SEC24D: variants seen among roughly 807,000 people sequenced by gnomAD.
The protein encoded by SEC24D is SEC24 homolog D, COPII component, also known as protein transport protein Sec24D.
Under a neutral mutation model 116.9 loss-of-function variants are expected in SEC24D, and 69 were observed. That is an observed-to-expected ratio of 0.59 (90% CI 0.49 to 0.72). The LOEUF (loss-of-function observed/expected upper bound fraction) is 0.72. Among genes scored for constraint, SEC24D ranks in the 30% least tolerant of loss-of-function variants. The probability of loss-of-function intolerance (pLI) is 0.00; values close to 1 mark genes in which losing one functional copy is unlikely to be tolerated. For missense variants in SEC24D, 1,131 were observed against 1,264.1 expected (o/e 0.89, Z 1.60); for synonymous variants, 405 against 442.8 (o/e 0.91, Z 1.07).
At chr4:118,831,729 G>A (rs1730865865) in intron 2 of SEC24D, among the ~76,000 whole-genome samples, 1 of 152,042 alleles carries the variant, frequency 6.6e-6, no homozygotes, top group Non-Finnish European at 1.5e-5. Context: ...CTGGTCTAGA[G>A]CTTAGGGGAG....
At chr4:118,826,362 G>T (rs1225984946) in intron 2 of SEC24D, among the ~76,000 whole-genome samples, 1 of 152,138 alleles carries the variant, frequency 6.6e-6, no homozygotes, top group African/African-American at 2.4e-5. Flanking sequence ...ATTGTTCTGA[G>T]AATTAAATGA....
intron 7 of SEC24D, among the ~76,000 whole-genome samples, chr4:118,804,882 GCATA>G (rs1444618033): frequency 2.2e-5 from 2 of 90,176 alleles, no homozygotes; most frequent in Non-Finnish European, 4.6e-5. Context: ...GTGTATGCAT[GCATA>G]CACACACACA....
rs138334943 is a variant in SEC24D at position 118,818,694 on chromosome 4, T to C, written c.249-1282A>G. ...GTCTATGTTTTATCGGTAGCCGGAA[T>C]TGACTTTATAATTTAGGACTCTTCT... On this transcript the variant is annotated intron_variant, in intron 3 of 22. Transcript: ENST00000280551. Among the ~76,000 whole-genome samples, 68 of 152,274 alleles carry C rather than the reference T, an allele frequency of 4.5e-4. No individual in the cohort carries two copies. In the East Asian group the frequency reaches 0.011, roughly 25 times the overall value.
chr4:118,788,552 A>G (rs1728751749), intron 8 of SEC24D, among the ~76,000 whole-genome samples: 1 of 152,222 alleles, frequency 6.6e-6, no homozygotes, highest in African/African-American at 2.4e-5. Flanking sequence ...AACCTCTCTC[A>G]TTAATATGTG....
chr4:118,728,209 A>G (rs1232668929), intron 22 of SEC24D, among the ~76,000 whole-genome samples: 1 of 152,264 alleles, frequency 6.6e-6, no homozygotes, highest in Admixed American at 6.5e-5. Flanking sequence ...AATAAATCAA[A>G]TTTTACAAAT....
intron 8 of SEC24D, among the ~76,000 whole-genome samples, chr4:118,790,441 C>T (rs968396654): frequency 6.6e-6 from 1 of 152,174 alleles, no homozygotes; most frequent in African/African-American, 2.4e-5. Flanking sequence ...CTACACCATA[C>T]TACCTCAGTT....
At chr4:118,756,006 A>AT (rs1159739807) in intron 11 of SEC24D, among the ~76,000 whole-genome samples, 1 of 152,186 alleles carries the variant, frequency 6.6e-6, no homozygotes, top group Non-Finnish European at 1.5e-5. Context: ...TTCATAACTT[A>AT]TATCAACAGG....
intron 7 of SEC24D, among the ~76,000 whole-genome samples, chr4:118,798,027 A>C (rs1392913137): frequency 6.6e-6 from 1 of 152,234 alleles, no homozygotes; most frequent in Non-Finnish European, 1.5e-5. Context: ...AAATACTCTG[A>C]ATCCTACTGC....
At chr4:118,823,915 A>T (rs1210758339) in intron 3 of SEC24D, among the ~76,000 whole-genome samples, 2 of 152,204 alleles carry the variant, frequency 1.3e-5, no homozygotes, top group Non-Finnish European at 2.9e-5. Context: ...TAATTTTAAA[A>T]TACTTATTAA....
At chr4:118,746,421 G>A (rs1236797966) in intron 13 of SEC24D, among the ~76,000 whole-genome samples, 1 of 152,046 alleles carries the variant, frequency 6.6e-6, no homozygotes, top group Non-Finnish European at 1.5e-5. Context: ...TTGTTCAGCA[G>A]GTACTACTGT....
At chr4:118,771,849 C>A (rs780835483) in intron 8 of SEC24D, among the ~76,000 whole-genome samples, 3 of 151,902 alleles carry the variant, frequency 2.0e-5, no homozygotes, top group African/African-American at 4.8e-5. Context: ...CCACAGGTAC[C>A]TTTGAGGGAC....
At chr4:118,744,756 C>T (rs1465150734) in intron 14 of SEC24D, among the ~76,000 whole-genome samples, 188 bp downstream of exon 14, 1 of 152,176 alleles carries the variant, frequency 6.6e-6, no homozygotes, top group Non-Finnish European at 1.5e-5. Context: ...ATATTTCAGA[C>T]ATCGGTTTTT....
chr4:118,807,236 CAA>C (rs1237435609), intron 6 of SEC24D, among the ~76,000 whole-genome samples: 4 of 152,120 alleles, frequency 2.6e-5, no homozygotes, highest in Admixed American at 2.0e-4. Flanking sequence ...TCAACAGCAG[CAA>C]AAGTCTCTTA....
rs752422283 is a variant in SEC24D at position 118,744,098 on chromosome 4, C to T, written c.1885G>A (p.Gly629Ser). 4.3e-6 allele frequency: 7 copies of T among 1,613,244 alleles called. No homozygotes were observed. Among genetic ancestry groups the T allele is most frequent in the Middle Eastern group, 1.7e-4 (1 of 6,046 alleles). The part of the protein sequence containing the change: ...DSLAKDCVAH[G>S]CSVTLFLFPS... ...AAGAGGAAGAGTGTCACAGAGCAGC[C>T]GTGAGCCACGCAGTCCTTGGCCAAT... The change falls in exon 15 of 23, where the codon GGC (glycine) becomes AGC (serine). Residue 629 changes from glycine to serine, a missense_variant. Gly to Ser is a moderately conservative substitution (Grantham distance 56). Coordinates refer to ENST00000280551, the MANE Select transcript of SEC24D (RefSeq NM_014822.4).
chr4:118,751,698 T>C (rs558565599), intron 13 of SEC24D, among the ~76,000 whole-genome samples: 3 of 152,178 alleles, frequency 2.0e-5, no homozygotes, highest in Non-Finnish European at 4.4e-5. Flanking sequence ...TCTGATATTG[T>C]TGGACTAATT....
At chr4:118,781,563 G>A (rs1351846546) in intron 8 of SEC24D, among the ~76,000 whole-genome samples, 1 of 152,064 alleles carries the variant, frequency 6.6e-6, no homozygotes, top group Non-Finnish European at 1.5e-5. Context: ...GCAATTATGT[G>A]TCTTGGGGTT....
chr4:118,755,001 G>T (rs1180642383), intron 11 of SEC24D, among the ~76,000 whole-genome samples: 3 of 152,154 alleles, frequency 2.0e-5, no homozygotes, highest in Non-Finnish European at 2.9e-5. Flanking sequence ...ACATTTTCAA[G>T]TGACGGGAAA....
At chr4:118,791,340 G>C (rs1401094485) in intron 8 of SEC24D, among the ~76,000 whole-genome samples, 1 of 152,102 alleles carries the variant, frequency 6.6e-6, no homozygotes, top group East Asian at 1.9e-4. Context: ...CAGTGCTTTA[G>C]AGCACTTTAG....
intron 8 of SEC24D, among the ~76,000 whole-genome samples, chr4:118,773,526 CT>C (rs1244268012): frequency 2.0e-5 from 3 of 152,260 alleles, no homozygotes; most frequent in Non-Finnish European, 4.4e-5. Flanking sequence ...TTGGAACTGT[CT>C]CAAGAGGAGG....
Sources: allele counts gnomAD v4.1 joint callset (sites outside exome capture counted in the v4.1 genomes callset), GRCh38; gene constraint gnomAD v4.1.1; transcripts MANE v1.5; gene names NCBI Gene and HGNC (gene_info 2026-07-23, HGNC 2026-07-21).